The following DIDO1 variants were observed in gnomAD, a reference collection of about 807,000 sequenced individuals.
The protein encoded by DIDO1 is death inducer-obliterator 1.
In DIDO1, 16 loss-of-function variants were observed where a neutral mutation model predicts 99.4. The ratio of observed to expected loss-of-function variants is 0.16; its 90% confidence interval spans 0.11 to 0.24. The LOEUF is 0.24. Among genes scored for constraint, DIDO1 ranks in the 10% least tolerant of loss-of-function variants. The pLI is 1.00. For synonymous variants in DIDO1, 1,366 were observed against 1,239.1 expected (o/e 1.10, Z -2.15); for missense variants, 2,996 against 3,014.0 (o/e 0.99, Z 0.14).
At chr20:62,887,967 G>T in intron 15 of DIDO1, 1 of 985,518 alleles carries the variant, frequency 1.0e-6, no homozygotes, top group Non-Finnish European at 1.2e-6. Context: ...AAATCATTAA[G>T]ATATGCAAGG....
intron 15 of DIDO1, chr20:62,890,041 G>C (rs2064366218): frequency 1.0e-6 from 1 of 985,346 alleles, no homozygotes; most frequent in Non-Finnish European, 1.2e-6. Flanking sequence ...TGCGGCATGA[G>C]GGGTGTGGGT....
At chr20:62,884,999 A>G (rs1285618792) in intron 15 of DIDO1, among the ~76,000 whole-genome samples, 1 of 152,268 alleles carries the variant, frequency 6.6e-6, no homozygotes, top group Non-Finnish European at 1.5e-5. Context: ...TATTTCTCTC[A>G]GCACAACAGC....
chr20:62,895,107 T>C lies in DIDO1; in HGVS notation c.2273A>G (p.Lys758Arg). The C allele has an allele frequency of 6.2e-7, 1 of 1,612,144 alleles. No individual in the cohort carries two copies. The highest frequency in any genetic ancestry group is 8.5e-7 in the Non-Finnish European group (1 of 1,178,276). The stretch of plus-strand genomic sequence containing the variant: ...CTCTTTAGATACAAGTTCTTCTGGC[T>C]TCAGTCTCACAAGTTTCGCCAAAGA... ...EISLAKLVRL[K>R]PEELVSKELS... The change falls in exon 9 of 16, where the codon AAG becomes AGG. Residue 758 changes from lysine to arginine, a missense_variant. This residue lies in a region of DIDO1 where 898 missense variants were observed against 972.7 expected (regional missense o/e 0.92). Transcript: ENST00000395343.
At chr20:62,935,099 CGTT>C (rs750610649) in intron 1 of DIDO1, among the ~76,000 whole-genome samples, 1 of 152,288 alleles carries the variant, frequency 6.6e-6, no homozygotes, top group East Asian at 1.9e-4. Flanking sequence ...ACCTTTCCCT[CGTT>C]GTTGCACCTC....
intron 14 of DIDO1, among the ~76,000 whole-genome samples, chr20:62,891,560 G>A (rs988732376): frequency 1.3e-5 from 2 of 152,066 alleles, no homozygotes; most frequent in Admixed American, 1.3e-4. Context: ...AACCAGAACC[G>A]TTCAAGAGCC....
Position 62,894,562 on chromosome 20 carries a change from A to C in DIDO1, c.2437-14T>G, listed in dbSNP as rs1223107757. 6.2e-7 allele frequency: 1 copy of C among 1,602,916 alleles called. No individual in the cohort carries two copies. The highest frequency in any genetic ancestry group is 1.1e-5 in the South Asian group (1 of 90,672). On this transcript the variant is annotated splice_polypyrimidine_tract_variant and intron_variant, in intron 10 of 15. Coordinates refer to ENST00000395343, the MANE Select transcript of DIDO1 (RefSeq NM_001193369.2). The surrounding 1 kb of genome is among the most constrained non-coding windows in gnomAD (Gnocchi z 4.4). The stretch of plus-strand genomic sequence containing the variant: ...CTCTTGCTGTTCCTAAAAAAGAAAA[A>C]GAAAAAAAAGTGAGGTCGTTTCTTC...
Position 62,893,943 on chromosome 20 carries a change from G to T in DIDO1, c.2824C>A (p.Pro942Thr), listed in dbSNP as rs1016618585. 1.2e-6 allele frequency: 2 copies of T among 1,612,154 alleles called. No homozygotes were observed. Among genetic ancestry groups the T allele is most frequent in the Non-Finnish European group, 1.7e-6 (2 of 1,178,544 alleles). Residue 942 changes from proline to threonine, a missense_variant, in exon 12 of 16, where the codon CCG becomes ACG. This residue lies in a region of DIDO1 where 898 missense variants were observed against 972.7 expected (regional missense o/e 0.92). Coordinates refer to ENST00000395343, the MANE Select transcript of DIDO1 (RefSeq NM_001193369.2). The part of the protein sequence containing the change: ...PPGDGHPEPS[P>T]LEDLSPCPAS... ...GGGCAGGGGGACAGGTCTTCCAGCG[G>T]GGAGGGCTCGGGATGGCCATCTCCT...
chr20:62,890,776 G>A, intron 15 of DIDO1, 184 bp downstream of exon 15: 1 of 1,444,438 alleles, frequency 6.9e-7, no homozygotes, highest in Non-Finnish European at 9.1e-7. Flanking sequence ...GTGAATCAGG[G>A]GTACTTCTCG....
At chr20:62,903,567 A>G (rs557258300) in intron 6 of DIDO1, among the ~76,000 whole-genome samples, 9 of 152,322 alleles carry the variant, frequency 5.9e-5, no homozygotes, top group Non-Finnish European at 1.2e-4. Flanking sequence ...TGAGCCTACA[A>G]AAGTGCAGAG....
intron 1 of DIDO1, among the ~76,000 whole-genome samples, chr20:62,919,029 T>C (rs764742159): frequency 2.6e-5 from 4 of 152,172 alleles, no homozygotes; most frequent in African/African-American, 4.8e-5. Context: ...CAGCCGTTCA[T>C]GTACCATGAT....
At chr20:62,918,566 A>G (rs774299745) in intron 1 of DIDO1, among the ~76,000 whole-genome samples, 1 of 152,268 alleles carries the variant, frequency 6.6e-6, no homozygotes, top group Non-Finnish European at 1.5e-5. Flanking sequence ...CCAGGAAAAG[A>G]GCTCTGACTT....
chr20:62,890,918 G>A (rs367743402), intron 15 of DIDO1, 42 bp downstream of exon 15: 4 of 1,612,282 alleles, frequency 2.5e-6, no homozygotes, highest in African/African-American at 1.3e-5. Flanking sequence ...AGGGGTGCAG[G>A]TGCAGGTGGG....
chr20:62,902,233 C>A (rs1358545136), intron 6 of DIDO1, among the ~76,000 whole-genome samples: 3 of 152,200 alleles, frequency 2.0e-5, no homozygotes, highest in Non-Finnish European at 4.4e-5. Flanking sequence ...TTCTCAATGG[C>A]AGGCTGCTTT....
At position 62,894,079 on chromosome 20, in the gene DIDO1, C is replaced by T. The variant is rs370932025; in HGVS notation, c.2688G>A (p.Pro896=). ...CCGGCATCACCTCATCAGCTGAATC[C>T]GGAGCTGGGTCAGGTGCAGAGCTGT... is the stretch of plus-strand genomic sequence containing the variant. ...KHDSSAPDPA[P]DSADEVMPEA... is the part of the protein sequence containing the mutation. The change falls in exon 12 of 16, where the codon CCG becomes CCA. Residue 896 remains proline, a synonymous_variant. Coordinates refer to ENST00000395343, the MANE Select transcript of DIDO1 (RefSeq NM_001193369.2). This position sits in a 1 kb window ranked among gnomAD's most constrained non-coding sequence, Gnocchi z 4.4. 31 of 1,614,090 alleles carry T rather than the reference C, an allele frequency of 1.9e-5. 1 individual carries two copies. The highest frequency in any genetic ancestry group is 1.1e-4 in the African/African-American group (8 of 74,936).
Position 62,905,940 on chromosome 20 carries a change from T to G in DIDO1, c.1535A>C (p.Asn512Thr). ...TPSWASDHNY[N>T]AVKPEKTAAP... ...AGCAGTCTTTTCTGGCTTTACTGCA[T>G]TGTAATTGTGATCGCTCGCCCACGA... Residue 512 changes from asparagine to threonine, a missense_variant, in exon 6 of 16, where the codon AAT becomes ACT. Around this residue, in one of 5 missense-constraint regions of DIDO1, gnomAD observed 898 missense variants for 972.7 expected, o/e 0.92. Coordinates refer to ENST00000395343, the MANE Select transcript of DIDO1 (RefSeq NM_001193369.2). 1.2e-6 allele frequency: 2 copies of G among 1,614,040 alleles called. No homozygotes were observed. The highest frequency in any genetic ancestry group is 4.5e-5 in the East Asian group (2 of 44,878).
rs775572924 is a variant in DIDO1, at chr20:62,879,863, G to A, written c.6093C>T (p.Ser2031=). 3 of 1,594,556 alleles carry A rather than the reference G, an allele frequency of 1.9e-6. No individual in the cohort carries two copies. The highest frequency in any genetic ancestry group is 2.2e-5 in the East Asian group (1 of 44,708). Residue 2031 remains serine (S), a synonymous_variant, in exon 16 of 16, where the codon AGC becomes AGT. Coordinates refer to ENST00000395343, the MANE Select transcript of DIDO1 (RefSeq NM_001193369.2). The surrounding 1 kb of genome is among the most constrained non-coding windows in gnomAD (Gnocchi z 6.3). The stretch of plus-strand genomic sequence containing the variant: ...GGTCCTTCCGGTGCTGCGGGGGGTG[G>A]CTGGGAAGCTCCAGCAGGGGCCTGG... ...PGPRPLLELP[S]HPPQHRKDRW...
At chr20:62,899,649 C>T (rs756098295) in intron 6 of DIDO1, among the ~76,000 whole-genome samples, 12 of 152,216 alleles carry the variant, frequency 7.9e-5, no homozygotes, top group African/African-American at 2.7e-4. Context: ...TTAACCATTG[C>T]TATTTTAGAA....
intron 15 of DIDO1, 196 bp downstream of exon 15, chr20:62,890,764 C>T: frequency 1.4e-6 from 2 of 1,432,924 alleles, no homozygotes; most frequent in East Asian, 2.5e-5. Flanking sequence ...ACAATTTATG[C>T]TGTGAATCAG....
chr20:62,906,504 G>A (rs1020787855), intron 5 of DIDO1, among the ~76,000 whole-genome samples: 4 of 152,226 alleles, frequency 2.6e-5, no homozygotes, highest in African/African-American at 9.6e-5. Flanking sequence ...GCCCAACGCC[G>A]AGGGTTCAAA....
Sources: allele counts gnomAD v4.1 joint callset (sites outside exome capture counted in the v4.1 genomes callset), GRCh38; gene constraint gnomAD v4.1.1; regional missense constraint gnomAD v4.1.1; non-coding constraint Gnocchi (gnomAD v3.1); transcripts MANE v1.5; gene names NCBI Gene and HGNC (gene_info 2026-07-23, HGNC 2026-07-21).